Variants in SH3GL2 observed in about 807,000 individuals in gnomAD.
SH3GL2 encodes SH3 domain containing GRB2 like 2, endophilin A1.
Under a neutral mutation model 46.0 loss-of-function variants are expected in SH3GL2, and 24 were observed. The ratio of observed to expected loss-of-function variants is 0.52; its 90% CI spans 0.38 to 0.73. The LOEUF is 0.73. Among genes scored for constraint, SH3GL2 ranks in the 30% least tolerant of loss-of-function variants. The probability of loss-of-function intolerance (pLI) is 0.00; values close to 1 mark genes in which losing one functional copy is unlikely to be tolerated. For missense variants in SH3GL2, 413 were observed against 424.2 expected, an observed-to-expected ratio of 0.97 and a Z score of 0.23; for synonymous variants, 196 against 147.1, an observed-to-expected ratio of 1.33 and a Z score of -2.40.
In SH3GL2 at chr9:17,795,289, A is replaced by C. The variant is rs115559595; in HGVS notation, c.860-255A>C. Among the ~76,000 whole-genome samples, 97 of 152,306 alleles carry C rather than the reference A, an allele frequency of 6.4e-4. 1 individual carries two copies. Among genetic ancestry groups the C allele is most frequent in the African/African-American group, 2.2e-3 (91 of 41,560 alleles). On this transcript the variant is annotated intron_variant, in intron 8 of 8. Transcript: ENST00000380607. ...ACAAGAATAGATGTGACTGTTTTTC[A>C]TACTGGAAACAGAAACAGGAATATG...
At chr9:17,645,301 C>G (rs113291822) in intron 1 of SH3GL2, among the ~76,000 whole-genome samples, 1 of 151,728 alleles carries the variant, frequency 6.6e-6, no homozygotes, top group South Asian at 2.1e-4. Flanking sequence ...ATACAACACA[C>G]CGATGGGTCT....
chr9:17,641,998 T>A (rs897340294), intron 1 of SH3GL2, among the ~76,000 whole-genome samples: 2 of 152,294 alleles, frequency 1.3e-5, no homozygotes, highest in South Asian at 4.1e-4. Context: ...TAGTTCTAGA[T>A]CCTTGAGGAA....
chr9:17,761,956 G>T (rs1264283442), intron 3 of SH3GL2, among the ~76,000 whole-genome samples: 1 of 152,158 alleles, frequency 6.6e-6, no homozygotes, highest in African/African-American at 2.4e-5. Flanking sequence ...AAAGTCTTCA[G>T]AGCGTTGATC....
intron 3 of SH3GL2, among the ~76,000 whole-genome samples, chr9:17,772,400 A>T (rs1823510669): frequency 6.6e-6 from 1 of 152,190 alleles, no homozygotes; most frequent in South Asian, 2.1e-4. Flanking sequence ...CTGGTATTAA[A>T]TACATTCATA....
chr9:17,695,526 T>C (rs919690878), intron 1 of SH3GL2, among the ~76,000 whole-genome samples: 2 of 152,102 alleles, frequency 1.3e-5, no homozygotes, highest in African/African-American at 4.8e-5. Context: ...ATTGCTTAGA[T>C]CTCAATATAC....
chr9:17,739,838 G>A (rs12379565), intron 1 of SH3GL2, among the ~76,000 whole-genome samples: 29,873 of 151,938 alleles, frequency 0.2, 3,277 homozygotes, highest in Middle Eastern at 0.28. Flanking sequence ...TTTTCACCTC[G>A]GGGAAATGGG....
intron 1 of SH3GL2, among the ~76,000 whole-genome samples, chr9:17,663,477 A>G (rs574231864): frequency 6.6e-6 from 1 of 152,350 alleles, no homozygotes; most frequent in African/African-American, 2.4e-5. Flanking sequence ...TTAATTTTAC[A>G]AAAGATGTAT....
rs57019804 is a variant in SH3GL2 at position 17,758,561 on chromosome 9, C to CAAAAAAAAAAAAAAAAAAAAAAAAAAA, written c.115-2868_115-2842dup. On this transcript the variant is annotated intron_variant, in intron 2 of 8. Coordinates refer to ENST00000380607, the MANE Select transcript of SH3GL2 (RefSeq NM_003026.5). Reference sequence around the variant, plus strand: ...TGGGGGAGAGAGTAAGACCCTGTCTCAAAAAAAAAAAAAAAAAAAAAAAAA... The same window carrying CAAAAAAAAAAAAAAAAAAAAAAAAAAA: ...TGGGGGAGAGAGTAAGACCCTGTCTCAAAAAAAAAAAAAAAAAAAAAAAAAAAAAAAAAAAAAAAAAAAAAAAAAAAA... Among the ~76,000 whole-genome samples the CAAAAAAAAAAAAAAAAAAAAAAAAAAA allele has an allele frequency of 1.4e-4, 4 of 29,228 alleles. 1 individual carries two copies. The highest frequency in any genetic ancestry group is 2.5e-4 in the Non-Finnish European group (3 of 11,928). 19.2% of individuals were successfully genotyped at this position (29,228 alleles called of 152,430 possible). A position where few individuals can be genotyped will look rare whatever the true frequency, so the allele number is the denominator to read the frequency against.
intron 1 of SH3GL2, among the ~76,000 whole-genome samples, chr9:17,624,128 G>A (rs73642002): frequency 0.16 from 25,059 of 152,096 alleles, 2,152 homozygotes; most frequent in Middle Eastern, 0.23. Context: ...TGAGGTTGTT[G>A]CTGCCTCATG....
chr9:17,787,592 T>C (rs1823997960), intron 5 of SH3GL2, 79 bp downstream of exon 5: 1 of 1,212,524 alleles, frequency 8.2e-7, no homozygotes, highest in East Asian at 2.4e-5. Context: ...AGAAAACATT[T>C]TTTTAGCTTA....
At chr9:17,759,390 G>A (rs562207371) in intron 2 of SH3GL2, among the ~76,000 whole-genome samples, 19 of 152,326 alleles carry the variant, frequency 1.2e-4, no homozygotes, top group African/African-American at 4.6e-4. Flanking sequence ...CCCATCTTAG[G>A]GAGGGAACAA....
intron 3 of SH3GL2, among the ~76,000 whole-genome samples, chr9:17,783,541 C>T (rs866298616): frequency 3.0e-4 from 46 of 151,998 alleles, no homozygotes; most frequent in Middle Eastern, 3.4e-3. Context: ...TTAGAAAGCT[C>T]GTCAGGGATG....
chr9:17,756,265 A>G (rs1822985689), intron 2 of SH3GL2, among the ~76,000 whole-genome samples: 1 of 152,120 alleles, frequency 6.6e-6, no homozygotes, highest in Admixed American at 6.6e-5. Context: ...AGTTTTTATT[A>G]CCTAAAAAAC....
At chr9:17,599,940 C>CTTT (rs796276528) in intron 1 of SH3GL2, among the ~76,000 whole-genome samples, 1 of 145,794 alleles carries the variant, frequency 6.9e-6, no homozygotes, top group African/African-American at 2.5e-5. Context: ...GACTGCCTAT[C>CTTT]TTTTTTTTTT....
chr9:17,791,991 T>TTAA (rs1824143450), intron 7 of SH3GL2, among the ~76,000 whole-genome samples: 4 of 152,246 alleles, frequency 2.6e-5, no homozygotes, highest in Non-Finnish European at 5.9e-5. Context: ...AGTGGCCCTA[T>TTAA]GTTATAATAT....
chr9:17,622,281 C>G (rs1043133358), intron 1 of SH3GL2, among the ~76,000 whole-genome samples: 1 of 152,152 alleles, frequency 6.6e-6, no homozygotes, highest in Non-Finnish European at 1.5e-5. Flanking sequence ...AAACAGTCAT[C>G]AACTAGGAGA....
intron 1 of SH3GL2, among the ~76,000 whole-genome samples, chr9:17,733,498 A>G (rs1294153687): frequency 6.6e-6 from 1 of 151,548 alleles, no homozygotes; most frequent in Non-Finnish European, 1.5e-5. Context: ...GTGGAGAAAT[A>G]GGAACACTTT....
chr9:17,628,204 C>T (rs1268868169), intron 1 of SH3GL2, among the ~76,000 whole-genome samples: 4 of 152,096 alleles, frequency 2.6e-5, no homozygotes, highest in South Asian at 2.1e-4. Context: ...ATGGATCAGA[C>T]GTTTAGCATT....
At chr9:17,755,444 TC>T (rs1822961368) in intron 2 of SH3GL2, among the ~76,000 whole-genome samples, 1 of 152,182 alleles carries the variant, frequency 6.6e-6, no homozygotes, top group East Asian at 1.9e-4. Context: ...CCTGAAGTTT[TC>T]TTTTTTGTTG....
Sources: gnomAD v4.1 joint callset for allele counts (sites outside exome capture counted in the v4.1 genomes callset) on GRCh38, gnomAD v4.1.1 for gene constraint, MANE v1.5 for transcripts, NCBI Gene and HGNC (gene_info 2026-07-23, HGNC 2026-07-21) for gene names.